The following SPMAP2L variants were observed in gnomAD, a reference collection of about 807,000 sequenced individuals.
The protein encoded by SPMAP2L is sperm microtubule associated protein 2-like.
the SPMAP2L span, among the ~76,000 whole-genome samples, chr4:56,604,433 A>G: frequency 6.6e-6 from 1 of 152,084 alleles, no homozygotes; most frequent in Non-Finnish European, 1.5e-5. Flanking sequence ...GCCGAGGCAG[A>G]TGGATCACGA....
chr4:56,623,793 C>T, the SPMAP2L span, among the ~76,000 whole-genome samples: 5 of 152,232 alleles, frequency 3.3e-5, no homozygotes, highest in African/African-American at 1.2e-4. Flanking sequence ...CCTCCCCACT[C>T]ATGTGGAACT....
At chr4:56,596,224 T>C in the SPMAP2L span, among the ~76,000 whole-genome samples, 1 of 152,302 alleles carries the variant, frequency 6.6e-6, no homozygotes, top group South Asian at 2.1e-4. Context: ...GTTTTTTTTA[T>C]CTGCATTTAT....
chr4:56,544,950 A>G, the SPMAP2L span, among the ~76,000 whole-genome samples: 1 of 152,228 alleles, frequency 6.6e-6, no homozygotes. Flanking sequence ...GGTGGTGGCC[A>G]GCACGCCCGG....
At chr4:56,625,959 G>T in the SPMAP2L span, among the ~76,000 whole-genome samples, 2 of 152,152 alleles carry the variant, frequency 1.3e-5, no homozygotes, top group African/African-American at 4.8e-5. Flanking sequence ...AAAGCCCTGT[G>T]GCTACCCTGT....
chr4:56,546,946 A>C, the SPMAP2L span, among the ~76,000 whole-genome samples: 5 of 152,064 alleles, frequency 3.3e-5, no homozygotes, highest in African/African-American at 1.2e-4. Flanking sequence ...AGTTCCATTT[A>C]CTTTTTTTTG....
the SPMAP2L span, among the ~76,000 whole-genome samples, chr4:56,544,616 A>AT: frequency 7.5e-4 from 112 of 149,286 alleles, no homozygotes; most frequent in Admixed American, 9.4e-4. Flanking sequence ...CATCCGAGAG[A>AT]TTTTTTTTTT....
the SPMAP2L span, among the ~76,000 whole-genome samples, chr4:56,598,203 T>C: frequency 1.3e-5 from 2 of 152,172 alleles, no homozygotes; most frequent in South Asian, 2.1e-4. Context: ...AAGAGAGTAG[T>C]AGATGTCATC....
the SPMAP2L span, among the ~76,000 whole-genome samples, chr4:56,537,768 C>G: frequency 1.3e-5 from 2 of 151,948 alleles, no homozygotes; most frequent in Non-Finnish European, 2.9e-5. Flanking sequence ...TCTCGGCTCA[C>G]TACAAGCTCC....
At chr4:56,551,824 G>A in the SPMAP2L span, among the ~76,000 whole-genome samples, 1 of 152,284 alleles carries the variant, frequency 6.6e-6, no homozygotes, top group African/African-American at 2.4e-5. Flanking sequence ...AGTCTAGTGT[G>A]AATTGATTGG....
chr4:56,595,815 T>A, the SPMAP2L span: 4 of 765,950 alleles, frequency 5.2e-6, no homozygotes, highest in Non-Finnish European at 9.6e-6. Context: ...CAGCCTCAAG[T>A]AGGAGTTTTA....
At chr4:56,619,918 T>G in the SPMAP2L span, among the ~76,000 whole-genome samples, 71 of 152,316 alleles carry the variant, frequency 4.7e-4, no homozygotes, top group African/African-American at 1.5e-3. Context: ...CTTATATAGC[T>G]CTGATCTCCA....
the SPMAP2L span, among the ~76,000 whole-genome samples, chr4:56,612,232 C>T: frequency 1.3e-5 from 2 of 152,162 alleles, no homozygotes; most frequent in African/African-American, 4.8e-5. Flanking sequence ...CTTTTGCCTT[C>T]CTGGATAATT....
the SPMAP2L span, among the ~76,000 whole-genome samples, chr4:56,534,742 C>T: frequency 6.6e-6 from 1 of 152,140 alleles, no homozygotes; most frequent in South Asian, 2.1e-4. Context: ...GCCTCGCCAA[C>T]ATGGTGAAAC....
At chr4:56,596,113 G>T in the SPMAP2L span, among the ~76,000 whole-genome samples, 4 of 152,116 alleles carry the variant, frequency 2.6e-5, no homozygotes, top group Non-Finnish European at 5.9e-5. Context: ...GAAATCCCAG[G>T]ACAAATGTTT....
chr4:56,614,119 T>C, the SPMAP2L span, among the ~76,000 whole-genome samples: 1 of 152,166 alleles, frequency 6.6e-6, no homozygotes, highest in African/African-American at 2.4e-5. Flanking sequence ...GACTGGTCTT[T>C]CATTGGGAGA....
chr4:56,614,632 C>A, the SPMAP2L span, among the ~76,000 whole-genome samples: 1 of 151,726 alleles, frequency 6.6e-6, no homozygotes, highest in Non-Finnish European at 1.5e-5. Flanking sequence ...CCAGCCTGGG[C>A]GACAGAGCGA....
chr4:56,552,756 C>T, the SPMAP2L span: 7 of 608,590 alleles, frequency 1.2e-5, no homozygotes, highest in Non-Finnish European at 2.0e-5. Flanking sequence ...ATGTAAAAGG[C>T]TAACCCTTGG....
chr4:56,616,416 G>A, the SPMAP2L span, among the ~76,000 whole-genome samples: 1 of 152,188 alleles, frequency 6.6e-6, no homozygotes, highest in Non-Finnish European at 1.5e-5. Flanking sequence ...TTCAACACAT[G>A]AATTTTGTGG....
chr4:56,605,073 G>T, the SPMAP2L span, among the ~76,000 whole-genome samples: 1 of 152,152 alleles, frequency 6.6e-6, no homozygotes, highest in Non-Finnish European at 1.5e-5. Context: ...TGGGTGATGA[G>T]TGCACCAAAA....
Sources: allele counts gnomAD v4.1 joint callset (sites outside exome capture counted in the v4.1 genomes callset), GRCh38; gene constraint gnomAD v4.1.1; transcripts MANE v1.5; gene names NCBI Gene and HGNC (gene_info 2026-07-23, HGNC 2026-07-21).